STAU2: variants seen among roughly 807,000 people sequenced by gnomAD.
STAU2 encodes the protein staufen double-stranded RNA binding protein 2, also known as double-stranded RNA-binding protein Staufen homolog 2.
A neutral mutation model predicts 65.9 loss-of-function variants in STAU2; 20 were observed. That is an observed-to-expected ratio of 0.30 (90% CI 0.21 to 0.44). The LOEUF is 0.44. Ranked by LOEUF, STAU2 falls within the 20% of genes least tolerant of loss-of-function variation. The pLI is 1.00. For missense variants in STAU2, 558 were observed against 683.9 expected (o/e 0.82, Z 2.05); for synonymous variants, 232 against 233.9 (o/e 0.99, Z 0.07).
chr8:73,557,327 T>C (rs1033912771), intron 12 of STAU2, among the ~76,000 whole-genome samples: 17 of 152,184 alleles, frequency 1.1e-4, no homozygotes, highest in Non-Finnish European at 2.9e-5. Context: ...CATAAAAACA[T>C]AGATTTATGT....
intron 13 of STAU2, among the ~76,000 whole-genome samples, chr8:73,541,738 A>T (rs976206175): frequency 1.1e-4 from 17 of 152,168 alleles, no homozygotes; most frequent in African/African-American, 4.1e-4. Context: ...CTCAACAGAG[A>T]AAAGGAACTA....
chr8:73,431,348 TG>T (rs56291509), intron 13 of STAU2, among the ~76,000 whole-genome samples: 48,357 of 152,044 alleles, frequency 0.32, 8,810 homozygotes, highest in East Asian at 0.52. Flanking sequence ...ACAATTAATA[TG>T]TTCCAGGATT....
At chr8:73,519,026 C>G (rs1422819135) in intron 13 of STAU2, among the ~76,000 whole-genome samples, 1 of 152,136 alleles carries the variant, frequency 6.6e-6, no homozygotes, top group Non-Finnish European at 1.5e-5. Flanking sequence ...CACTCTAATT[C>G]ATAAAAAATA....
At chr8:73,713,013 C>A (rs1821003546) in intron 3 of STAU2, among the ~76,000 whole-genome samples, 1 of 152,094 alleles carries the variant, frequency 6.6e-6, no homozygotes, top group Non-Finnish European at 1.5e-5. Flanking sequence ...TTTCCACTGA[C>A]TTATAAACCC....
chr8:73,730,508 C>A (rs899116045), intron 3 of STAU2, among the ~76,000 whole-genome samples: 9 of 152,066 alleles, frequency 5.9e-5, no homozygotes, highest in African/African-American at 2.2e-4. Context: ...GGGTGGATCA[C>A]CTGAGGTCAG....
chr8:73,690,547 G>A (rs1012336218), intron 4 of STAU2, among the ~76,000 whole-genome samples: 4 of 152,058 alleles, frequency 2.6e-5, no homozygotes, highest in African/African-American at 9.7e-5. Context: ...TATGAAGAAC[G>A]TCTTTAGTCT....
At chr8:73,556,927 CAAT>C (rs1235078967) in intron 12 of STAU2, among the ~76,000 whole-genome samples, 1 of 150,936 alleles carries the variant, frequency 6.6e-6, no homozygotes, top group Non-Finnish European at 1.5e-5. Flanking sequence ...AATTATACCT[CAAT>C]AAAGTTGTAA....
At position 73,428,995 on chromosome 8, in the gene STAU2, G is replaced by A. The variant is rs145978512; in HGVS notation, c.1531-6293C>T. 8.5e-5 allele frequency among the ~76,000 whole-genome samples: 13 copies of A among 152,288 alleles called. No individual in the cohort carries two copies. The East Asian group carries it at 1.7e-3, about 20-fold the overall frequency. On this transcript the variant is annotated intron_variant, in intron 13 of 14. Transcript: ENST00000524300. ...GGCGTGCTCTCTCACTTGATGCCACGAATGGATTTTCAGAATTCTTGCGTG... is the reference window on the plus strand; with the variant it reads ...GGCGTGCTCTCTCACTTGATGCCACAAATGGATTTTCAGAATTCTTGCGTG...
chr8:73,433,813 T>C (rs940705657), intron 13 of STAU2, among the ~76,000 whole-genome samples: 1 of 151,784 alleles, frequency 6.6e-6, no homozygotes, highest in Non-Finnish European at 1.5e-5. Context: ...TATTTAATTA[T>C]TTTTGATTCA....
At chr8:73,657,756 G>A (rs112107035) in intron 6 of STAU2, among the ~76,000 whole-genome samples, 2,217 of 152,272 alleles carry the variant, frequency 0.015, 53 homozygotes, top group African/African-American at 0.05. Flanking sequence ...GTTCATGCCT[G>A]TAATCCCAGC....
chr8:73,658,738 C>A (rs1282816143), intron 6 of STAU2, among the ~76,000 whole-genome samples: 1 of 151,824 alleles, frequency 6.6e-6, no homozygotes, highest in Non-Finnish European at 1.5e-5. Flanking sequence ...CATGGTGAAA[C>A]CCCGTCTTCA....
intron 13 of STAU2, among the ~76,000 whole-genome samples, chr8:73,544,318 A>G (rs1397951647): frequency 2.6e-5 from 4 of 152,118 alleles, no homozygotes; most frequent in African/African-American, 7.2e-5. Context: ...TGGTCTTTCT[A>G]TTATCAAGTC....
intron 4 of STAU2, among the ~76,000 whole-genome samples, chr8:73,702,177 C>A (rs529611917): frequency 3.3e-5 from 5 of 152,098 alleles, no homozygotes; most frequent in African/African-American, 1.2e-4. Flanking sequence ...TTTGACAGCA[C>A]ATAGGGGGAC....
chr8:73,533,519 T>C (rs1805970111), intron 13 of STAU2, among the ~76,000 whole-genome samples: 1 of 152,228 alleles, frequency 6.6e-6, no homozygotes, highest in Admixed American at 6.5e-5. Context: ...CATTCTGATA[T>C]TGACTTTGCC....
intron 13 of STAU2, chr8:73,440,208 T>A (rs932778385): frequency 5.9e-5 from 9 of 152,340 alleles, no homozygotes; most frequent in Admixed American, 4.6e-4. Context: ...ATCTTCTCCA[T>A]CAAAATTCTC....
chr8:73,666,023 C>T (rs1475421885), intron 6 of STAU2, among the ~76,000 whole-genome samples: 1 of 152,094 alleles, frequency 6.6e-6, no homozygotes, highest in East Asian at 1.9e-4. Context: ...GATGCAACCA[C>T]CCTTTTTTTC....
intron 6 of STAU2, among the ~76,000 whole-genome samples, chr8:73,659,180 T>C (rs539497740): frequency 2.0e-5 from 3 of 152,270 alleles, no homozygotes; most frequent in African/African-American, 7.2e-5. Flanking sequence ...TGGCAACCTA[T>C]ATAAACCTTT....
At chr8:73,581,706 C>T (rs898854180) in intron 12 of STAU2, among the ~76,000 whole-genome samples, 4 of 152,106 alleles carry the variant, frequency 2.6e-5, no homozygotes, top group African/African-American at 9.7e-5. Flanking sequence ...AGGCCAAGGG[C>T]TCAGAAGCAC....
chr8:73,469,725 T>TTA (rs1819873631), intron 13 of STAU2, among the ~76,000 whole-genome samples: 1 of 152,100 alleles, frequency 6.6e-6, no homozygotes, highest in Non-Finnish European at 1.5e-5. Flanking sequence ...AAGTGGCTGC[T>TTA]ACTGGATAAG....
Sources: allele counts gnomAD v4.1 joint callset (sites outside exome capture counted in the v4.1 genomes callset), GRCh38; gene constraint gnomAD v4.1.1; transcripts MANE v1.5; gene names NCBI Gene and HGNC (gene_info 2026-07-23, HGNC 2026-07-21).